Variants in NME7 observed in about 807,000 individuals in gnomAD.
NME7 encodes the protein nucleoside diphosphate kinase 7.
Under a neutral mutation model 49.1 loss-of-function variants are expected in NME7, and 41 were observed. The ratio of observed to expected loss-of-function variants is 0.83; its 90% confidence interval spans 0.65 to 1.08. The LOEUF is 1.08. Ranked by LOEUF, NME7 falls within the 50% of genes least tolerant of loss-of-function variation. The pLI, the probability that NME7 is intolerant of heterozygous loss-of-function variation, is 0.00. For missense variants in NME7, 423 were observed against 463.4 expected (o/e 0.91, Z 0.80); for synonymous variants, 139 against 150.6 (o/e 0.92, Z 0.56).
At chr1:169,173,467 TAAC>T (rs1659661424) in intron 10 of NME7, among the ~76,000 whole-genome samples, 2 of 152,126 alleles carry the variant, frequency 1.3e-5, no homozygotes, top group Admixed American at 6.5e-5. Context: ...AGGTAAATGA[TAAC>T]AATGAAACTT....
chr1:169,151,658 C>T (rs1658919518), intron 11 of NME7, among the ~76,000 whole-genome samples: 1 of 152,202 alleles, frequency 6.6e-6, no homozygotes, highest in Non-Finnish European at 1.5e-5. Context: ...GTGGGTGCCA[C>T]CTTCTTGAGG....
chr1:169,343,472 T>C (rs186706417), intron 1 of NME7, among the ~76,000 whole-genome samples: 134 of 152,078 alleles, frequency 8.8e-4, no homozygotes, highest in Non-Finnish European at 1.5e-3. Flanking sequence ...TCTATCCCTA[T>C]GCTATGCCAT....
At chr1:169,144,370 C>A (rs754691915) in intron 11 of NME7, among the ~76,000 whole-genome samples, 6 of 152,068 alleles carry the variant, frequency 3.9e-5, no homozygotes, top group Non-Finnish European at 8.8e-5. Context: ...ATATATTATA[C>A]AACATACACA....
chr1:169,147,112 T>C (rs12082810), intron 11 of NME7, among the ~76,000 whole-genome samples: 60,042 of 152,018 alleles, frequency 0.39, 12,215 homozygotes, highest in East Asian at 0.73. Flanking sequence ...ATACAGCAGC[T>C]TGATAGTTAA....
chr1:169,328,015 T>C (rs1202391572), intron 1 of NME7, among the ~76,000 whole-genome samples: 4 of 152,174 alleles, frequency 2.6e-5, no homozygotes, highest in Admixed American at 6.6e-5. Context: ...TGATCATCAA[T>C]CAACAAATAC....
At chr1:169,258,973 T>C (rs1649073377) in intron 7 of NME7, among the ~76,000 whole-genome samples, 1 of 133,544 alleles carries the variant, frequency 7.5e-6, no homozygotes, top group South Asian at 2.3e-4. Context: ...ACACTAACGT[T>C]TCAGAACCAT....
intron 5 of NME7, chr1:169,302,400 T>C (rs1043520684): frequency 2.0e-5 from 3 of 152,174 alleles, no homozygotes; most frequent in Non-Finnish European, 2.9e-5. Flanking sequence ...GTGGTACATA[T>C]ACACCATGGA....
intron 7 of NME7, among the ~76,000 whole-genome samples, chr1:169,248,474 T>TAA (rs1243921950): frequency 3.9e-5 from 6 of 152,114 alleles, no homozygotes; most frequent in African/African-American, 1.4e-4. Flanking sequence ...TGAAGTTTCT[T>TAA]TTATTTAATT....
chr1:169,250,762 T>G (rs115312402), intron 7 of NME7, among the ~76,000 whole-genome samples: 1,722 of 152,274 alleles, frequency 0.011, 19 homozygotes, highest in Non-Finnish European at 0.018. Flanking sequence ...ATTGTTTAAT[T>G]TCTATGTATT....
chr1:169,342,220 G>A (rs1049951946), intron 1 of NME7, among the ~76,000 whole-genome samples: 1 of 151,976 alleles, frequency 6.6e-6, no homozygotes, highest in Non-Finnish European at 1.5e-5. Context: ...CTGTTCTCAT[G>A]ATAGTGAGGG....
At chr1:169,189,018 G>T (rs1283155095) in intron 10 of NME7, among the ~76,000 whole-genome samples, 2 of 152,162 alleles carry the variant, frequency 1.3e-5, no homozygotes, top group African/African-American at 4.8e-5. Flanking sequence ...GAGTAATAAT[G>T]TGGCTACCCA....
At chr1:169,135,826 A>G (rs1658411497) in intron 11 of NME7, among the ~76,000 whole-genome samples, 1 of 152,090 alleles carries the variant, frequency 6.6e-6, no homozygotes, top group African/African-American at 2.4e-5. Flanking sequence ...CTGAGGGATT[A>G]AGTATCTTAC....
At chr1:169,157,658 T>C (rs1659118039) in intron 11 of NME7, among the ~76,000 whole-genome samples, 1 of 152,192 alleles carries the variant, frequency 6.6e-6, no homozygotes, top group Admixed American at 6.5e-5. Context: ...TGGAGTTCCG[T>C]TGGAAGTGTA....
chr1:169,325,510 C>T (rs1178504374), intron 1 of NME7, among the ~76,000 whole-genome samples: 4 of 151,786 alleles, frequency 2.6e-5, no homozygotes, highest in South Asian at 2.1e-4. Context: ...GGTCCTTTTC[C>T]CTTGACTATT....
At chr1:169,162,029 A>C (rs1416765369) in intron 11 of NME7, among the ~76,000 whole-genome samples, 1 of 152,038 alleles carries the variant, frequency 6.6e-6, no homozygotes, top group Non-Finnish European at 1.5e-5. Flanking sequence ...GACTCAACTG[A>C]TCCTGTGGCC....
intron 10 of NME7, among the ~76,000 whole-genome samples, chr1:169,208,550 C>T (rs947622302): frequency 3.9e-5 from 6 of 152,102 alleles, no homozygotes; most frequent in Non-Finnish European, 8.8e-5. Context: ...TGGAAATCTA[C>T]ATACATACTT....
rs1159253925 is a variant in NME7, at chr1:169,259,029, C to T, written c.755-21342G>A. Among the ~76,000 whole-genome samples, 4 of 133,362 alleles carry T rather than the reference C, an allele frequency of 3.0e-5. 2 individuals carry two copies. The highest frequency in any genetic ancestry group is 1.0e-4 in the African/African-American group (4 of 39,466). The allele number at this position is 133,362 out of a possible 152,430, so 87.5% of individuals were successfully genotyped here. On this transcript the variant is annotated intron_variant, in intron 7 of 11. Transcript: ENST00000367811. ...AGAACAACAAAGCATCACAACTACTCCTTTGGCCATGGAAAAGGTGATATA... is the reference window on the plus strand; with the variant it reads ...AGAACAACAAAGCATCACAACTACTTCTTTGGCCATGGAAAAGGTGATATA...
At chr1:169,146,220 A>T (rs1658745378) in intron 11 of NME7, among the ~76,000 whole-genome samples, 1 of 152,188 alleles carries the variant, frequency 6.6e-6, no homozygotes. Flanking sequence ...ATCCCATACT[A>T]CACATTTGTC....
In NME7 at chr1:169,274,540, C is replaced by G. The variant is rs911267392; in HGVS notation, c.754+12763G>C. Among the ~76,000 whole-genome samples the G allele has an allele frequency of 1.1e-4, 15 of 133,906 alleles. 1 individual carries two copies. Among genetic ancestry groups the G allele is most frequent in the African/African-American group, 3.8e-4 (15 of 39,470 alleles). 87.8% of individuals were successfully genotyped at this position (133,906 alleles called of 152,430 possible). A position where few individuals can be genotyped will look rare whatever the true frequency, so the allele number is the denominator to read the frequency against. ...GGTGTTTTAGACATGAAGTCGTCGCCTATGCCTATGTCCTGAATGGTATTG... is the reference window on the plus strand; with the variant it reads ...GGTGTTTTAGACATGAAGTCGTCGCGTATGCCTATGTCCTGAATGGTATTG... On this transcript the variant is annotated intron_variant, in intron 7 of 11. Transcript: ENST00000367811.
Sources: allele counts gnomAD v4.1 joint callset (sites outside exome capture counted in the v4.1 genomes callset), GRCh38; gene constraint gnomAD v4.1.1; transcripts MANE v1.5; gene names NCBI Gene and HGNC (gene_info 2026-07-23, HGNC 2026-07-21).